The following FOXP1 variants were observed in gnomAD, a reference collection of about 807,000 sequenced individuals.
FOXP1 encodes the protein forkhead box protein P1.
In FOXP1, 15 loss-of-function variants were observed where a neutral mutation model predicts 98.2. The observed-to-expected ratio is 0.15, with a 90% CI of 0.10 to 0.24. The LOEUF (loss-of-function observed/expected upper bound fraction) is 0.24. FOXP1 is among the 10% of genes least tolerant of loss of function. FOXP1 has a pLI of 1.00. For synonymous variants in FOXP1, 371 were observed against 314.5 expected (o/e 1.18, Z -1.90); for missense variants, 633 against 848.5 (o/e 0.75, Z 3.15).
At chr3:71,161,295 T>A (rs910714790) in intron 6 of FOXP1, among the ~76,000 whole-genome samples, 2 of 152,236 alleles carry the variant, frequency 1.3e-5, no homozygotes, top group African/African-American at 4.8e-5. Context: ...GGGTAATTTA[T>A]GCAGCTGCAT....
chr3:71,373,835 A>AAC (rs2079518809), intron 3 of FOXP1, among the ~76,000 whole-genome samples: 1 of 152,240 alleles, frequency 6.6e-6, no homozygotes, highest in South Asian at 2.1e-4. Context: ...CTAATGATAA[A>AAC]ACAAATGCTC....
In FOXP1 at chr3:70,956,947, AAAAC is replaced by A. The variant is rs1364332436; in HGVS notation, c.*2296_*2299del. 3.2e-5 allele frequency: 7 copies of A among 217,116 alleles called. No homozygotes were observed. Among genetic ancestry groups the A allele is most frequent in the African/African-American group, 1.6e-4 (7 of 44,428 alleles). 13.4% of individuals were successfully genotyped at this position (217,116 alleles called of 1,614,324 possible). A position where few individuals can be genotyped will look rare whatever the true frequency, so the allele number is the denominator to read the frequency against. On this transcript the variant is annotated 3_prime_UTR_variant, in exon 21 of 21. Transcript: ENST00000649528. ...GGAAAAAAAGGAAAAATTAAAAATA[AAAAC>A]AAACTGAAGGATATATGCCAAGATA...
At chr3:71,172,209 A>C (rs1341311177) in intron 6 of FOXP1, among the ~76,000 whole-genome samples, 1 of 152,164 alleles carries the variant, frequency 6.6e-6, no homozygotes, top group African/African-American at 2.4e-5. Context: ...TTTGTTATAA[A>C]ATGAAAAGTT....
chr3:71,137,327 G>C (rs2059866293), intron 6 of FOXP1, among the ~76,000 whole-genome samples: 1 of 151,920 alleles, frequency 6.6e-6, no homozygotes, highest in South Asian at 2.1e-4. Flanking sequence ...GCCCAGCCAA[G>C]GCACAGCAAA....
At chr3:71,075,919 T>C (rs1433795969) in intron 7 of FOXP1, among the ~76,000 whole-genome samples, 1 of 151,966 alleles carries the variant, frequency 6.6e-6, no homozygotes, top group Non-Finnish European at 1.5e-5. Flanking sequence ...GGGGACTCTG[T>C]ATGTTGCCTA....
At chr3:71,583,436 T>C (rs2048350703) in intron 1 of FOXP1, 135 bp downstream of exon 1, 1 of 973,430 alleles carries the variant, frequency 1.0e-6, no homozygotes, top group African/African-American at 1.8e-5. Context: ...GTTTTTTTTT[T>C]TCCATTTTTT....
intron 2 of FOXP1, among the ~76,000 whole-genome samples, chr3:71,497,968 G>A (rs575713852): frequency 2.4e-4 from 37 of 152,292 alleles, no homozygotes; most frequent in African/African-American, 8.4e-4. Context: ...GATTTGAAAA[G>A]CCAGATTACC....
chr3:71,035,768 T>G (rs1006297795), intron 11 of FOXP1, among the ~76,000 whole-genome samples: 3 of 151,822 alleles, frequency 2.0e-5, no homozygotes, highest in African/African-American at 7.3e-5. Context: ...CTCTGATTTT[T>G]GGGGAAAAAA....
intron 6 of FOXP1, among the ~76,000 whole-genome samples, chr3:71,193,843 G>C (rs1474737619): frequency 6.6e-6 from 1 of 152,102 alleles, no homozygotes; most frequent in Non-Finnish European, 1.5e-5. Flanking sequence ...ACTAATCTTT[G>C]ACCTCCTTCA....
At chr3:71,140,894 T>C (rs1297781677) in intron 6 of FOXP1, among the ~76,000 whole-genome samples, 1 of 151,352 alleles carries the variant, frequency 6.6e-6, no homozygotes, top group Non-Finnish European at 1.5e-5. Flanking sequence ...TGGGAGGATC[T>C]CTTGAGCTCA....
At chr3:71,542,848 T>C (rs1178094439) in intron 2 of FOXP1, among the ~76,000 whole-genome samples, 1 of 152,200 alleles carries the variant, frequency 6.6e-6, no homozygotes, top group Non-Finnish European at 1.5e-5. Context: ...ACTTCCTGCA[T>C]CCAGCTTGGG....
At chr3:71,254,771 C>G (rs1042557896) in intron 5 of FOXP1, among the ~76,000 whole-genome samples, 1 of 152,198 alleles carries the variant, frequency 6.6e-6, no homozygotes, top group African/African-American at 2.4e-5. Context: ...CTGTGTCTTT[C>G]ACTGTAGCTG....
chr3:71,112,418 A>T (rs2058017466), intron 7 of FOXP1, 118 bp downstream of exon 7: 1 of 870,152 alleles, frequency 1.1e-6, no homozygotes, highest in Non-Finnish European at 1.9e-6. Context: ...CCAAAAATGC[A>T]CTTTCCACAG....
intron 12 of FOXP1, among the ~76,000 whole-genome samples, chr3:71,012,145 G>A (rs551829537): frequency 2.6e-5 from 4 of 152,094 alleles, no homozygotes; most frequent in Non-Finnish European, 5.9e-5. Flanking sequence ...CAATTTTATA[G>A]TTCTAGAGAC....
intron 18 of FOXP1, chr3:70,972,187 TAGGAGCAGCAGCAAAGGAG>T: frequency 6.6e-7 from 1 of 1,518,966 alleles, no homozygotes; most frequent in Non-Finnish European, 8.8e-7. Context: ...CACCCTGGGA[TAGGAGCAGCAGCAAAGGAG>T]ATGGAGTGGC....
At chr3:71,037,923 G>GT (rs1438744099) in intron 11 of FOXP1, among the ~76,000 whole-genome samples, 1 of 152,178 alleles carries the variant, frequency 6.6e-6, no homozygotes, top group Non-Finnish European at 1.5e-5. Context: ...ACCAAAGTGT[G>GT]TTTTTTCCCT....
chr3:71,579,397 A>C (rs1165896571), intron 2 of FOXP1, among the ~76,000 whole-genome samples: 1 of 152,180 alleles, frequency 6.6e-6, no homozygotes, highest in Non-Finnish European at 1.5e-5. Context: ...TGCTACAGTA[A>C]TTACTGTTAC....
rs1224763819 is a variant in FOXP1 at position 71,198,479 on chromosome 3, G to A, written c.-11-87C>T. 4 of 1,211,304 alleles carry A rather than the reference G, an allele frequency of 3.3e-6. No individual in the cohort carries two copies. In the Admixed American group the frequency reaches 6.9e-5, roughly 21 times the overall value. The allele number at this position is 1,211,304 out of a possible 1,614,324, so 75.0% of individuals were successfully genotyped here. A position where few individuals can be genotyped will look rare whatever the true frequency, so the allele number is the denominator to read the frequency against. On this transcript the variant is annotated intron_variant, in intron 5 of 20. Coordinates refer to ENST00000649528, the MANE Select transcript of FOXP1 (RefSeq NM_001349338.3). ...AAGCAGTTGTTGTGCATAAGGAGAA[G>A]GGCCTTGGTTTAAATGTTGCCAAAA...
chr3:71,399,192 G>T (rs1420517630), intron 3 of FOXP1, among the ~76,000 whole-genome samples: 1 of 152,072 alleles, frequency 6.6e-6, no homozygotes, highest in East Asian at 1.9e-4. Context: ...ACACATATGT[G>T]TATATGTGTA....
Sources: allele counts gnomAD v4.1 joint callset (sites outside exome capture counted in the v4.1 genomes callset), GRCh38; gene constraint gnomAD v4.1.1; transcripts MANE v1.5; gene names NCBI Gene and HGNC (gene_info 2026-07-23, HGNC 2026-07-21).